Variants in DTWD2 observed in about 807,000 individuals in gnomAD.
DTWD2 encodes the protein tRNA-uridine aminocarboxypropyltransferase 2.
Under a neutral mutation model 31.8 loss-of-function variants are expected in DTWD2, and 39 were observed. The observed-to-expected ratio is 1.22, with a 90% CI of 0.95 to 1.60. DTWD2 has a LOEUF of 1.60. Ranked by LOEUF, DTWD2 falls within the 40% of genes most tolerant of loss-of-function variation. The pLI, the probability that DTWD2 is intolerant of heterozygous loss-of-function variation, is 0.00. For synonymous variants in DTWD2, 180 were observed against 142.8 expected (o/e 1.26, Z -1.86); for missense variants, 515 against 381.5 (o/e 1.35, Z -2.92).
intron 4 of DTWD2, among the ~76,000 whole-genome samples, chr5:118,925,156 C>CAGAGCAGAT (rs1561457659): frequency 6.6e-6 from 1 of 152,152 alleles, no homozygotes; most frequent in Admixed American, 6.5e-5. Context: ...ATGCACCCAA[C>CAGAGCAGAT]AACAGAGCAG....
At chr5:118,970,098 T>C (rs1420484048) in intron 1 of DTWD2, among the ~76,000 whole-genome samples, 1 of 152,124 alleles carries the variant, frequency 6.6e-6, no homozygotes, top group African/African-American at 2.4e-5. Flanking sequence ...TGTAAGACTA[T>C]CTTTCTAAAA....
chr5:118,851,595 G>A (rs985038959), intron 4 of DTWD2, among the ~76,000 whole-genome samples: 1 of 148,884 alleles, frequency 6.7e-6, no homozygotes, highest in Non-Finnish European at 1.5e-5. Context: ...AGCTGTGCAC[G>A]TATTGTCTTG....
At chr5:118,897,213 G>A (rs1001679022) in intron 4 of DTWD2, among the ~76,000 whole-genome samples, 12 of 152,270 alleles carry the variant, frequency 7.9e-5, no homozygotes, top group African/African-American at 2.9e-4. Context: ...CAGCTCAGAG[G>A]AAACCAGGCA....
At chr5:118,865,569 A>G (rs186781515) in intron 4 of DTWD2, among the ~76,000 whole-genome samples, 12 of 152,342 alleles carry the variant, frequency 7.9e-5, no homozygotes, top group African/African-American at 2.9e-4. Context: ...CTTCCTTTGA[A>G]GTTAATGTTT....
In DTWD2 at chr5:118,840,952, T is replaced by A. The variant is rs756145111; in HGVS notation, c.862A>T (p.Lys288Ter). The A allele has an allele frequency of 1.9e-6, 3 of 1,613,672 alleles. No homozygotes were observed. The highest frequency in any genetic ancestry group is 2.5e-6 in the Non-Finnish European group (3 of 1,179,790). Reference sequence around the variant, plus strand: ...ACACTATTCATTAACAATTCCATTTTCCTGAGTTTGCGTTTGTTCTTTGGC... The same window carrying A: ...ACACTATTCATTAACAATTCCATTTACCTGAGTTTGCGTTTGTTCTTTGGC... The part of the protein sequence containing the change: ...PMPKNKRKLR[K>*]MELLMNSVKI The change falls in exon 6 of 6, where the codon AAA (lysine) becomes TAA (stop). Residue 288 changes from lysine (K) to a stop codon, truncating the protein, a stop_gained. Transcript: ENST00000510708. LOFTEE classifies it high-confidence loss of function.
chr5:118,939,779 T>G (rs182986321), intron 2 of DTWD2, among the ~76,000 whole-genome samples: 75 of 152,070 alleles, frequency 4.9e-4, no homozygotes, highest in Non-Finnish European at 9.6e-4. Flanking sequence ...AACAAAACAA[T>G]GGGGTATGTC....
chr5:118,906,026 A>G (rs573512175), intron 4 of DTWD2, among the ~76,000 whole-genome samples: 2 of 152,306 alleles, frequency 1.3e-5, no homozygotes, highest in South Asian at 2.1e-4. Flanking sequence ...AAAACAAAAC[A>G]ATATAAAAAT....
intron 1 of DTWD2, among the ~76,000 whole-genome samples, chr5:118,959,697 T>A (rs1246754114): frequency 6.6e-6 from 1 of 152,138 alleles, no homozygotes; most frequent in Non-Finnish European, 1.5e-5. Flanking sequence ...TTACCAGACT[T>A]CAAACTATAC....
chr5:118,937,474 T>A (rs1009054256), intron 3 of DTWD2, among the ~76,000 whole-genome samples: 2 of 152,166 alleles, frequency 1.3e-5, no homozygotes, highest in African/African-American at 4.8e-5. Flanking sequence ...ACGTAAGTTA[T>A]CTGTAATCCA....
At chr5:118,922,967 T>C (rs1479015660) in intron 4 of DTWD2, among the ~76,000 whole-genome samples, 6 of 152,214 alleles carry the variant, frequency 3.9e-5, no homozygotes, top group Non-Finnish European at 8.8e-5. Flanking sequence ...TCAAAAGTTT[T>C]TATTCTTATT....
intron 4 of DTWD2, among the ~76,000 whole-genome samples, chr5:118,917,362 A>C (rs1287525841): frequency 1.3e-5 from 2 of 152,186 alleles, no homozygotes; most frequent in African/African-American, 4.8e-5. Context: ...AAGAAACAAT[A>C]GGGAAGGGAA....
intron 1 of DTWD2, among the ~76,000 whole-genome samples, chr5:118,946,092 C>T (rs1754333417): frequency 6.6e-6 from 1 of 152,150 alleles, no homozygotes; most frequent in Non-Finnish European, 1.5e-5. Flanking sequence ...AAGAAACTGC[C>T]AAATCTATGC....
At chr5:118,954,133 C>A (rs11958756) in intron 1 of DTWD2, among the ~76,000 whole-genome samples, 8 of 152,070 alleles carry the variant, frequency 5.3e-5, no homozygotes, top group Non-Finnish European at 8.8e-5. Flanking sequence ...TAGCCAGACA[C>A]GGTGGTGCAC....
chr5:118,968,794 A>T (rs1297966778), intron 1 of DTWD2, among the ~76,000 whole-genome samples: 1 of 152,136 alleles, frequency 6.6e-6, no homozygotes, highest in African/African-American at 2.4e-5. Context: ...TTCCCCTAGG[A>T]AGGGGGCTGA....
intron 4 of DTWD2, among the ~76,000 whole-genome samples, chr5:118,861,153 C>A (rs964532664): frequency 1.3e-5 from 2 of 152,152 alleles, no homozygotes; most frequent in African/African-American, 4.8e-5. Flanking sequence ...TAAATGTCTC[C>A]CAATGGTTAC....
intron 5 of DTWD2, among the ~76,000 whole-genome samples, chr5:118,843,087 G>A (rs1751758814): frequency 6.6e-6 from 1 of 151,212 alleles, no homozygotes; most frequent in South Asian, 2.1e-4. Flanking sequence ...CTCCCAAGTA[G>A]CTGGGACTAT....
intron 4 of DTWD2, among the ~76,000 whole-genome samples, chr5:118,895,667 G>T (rs1286058897): frequency 6.6e-6 from 1 of 152,060 alleles, no homozygotes; most frequent in African/African-American, 2.4e-5. Context: ...AGGACACATA[G>T]ACCAGTGGAA....
At chr5:118,859,197 T>C (rs1752203491) in intron 4 of DTWD2, among the ~76,000 whole-genome samples, 1 of 150,984 alleles carries the variant, frequency 6.6e-6, no homozygotes, top group South Asian at 2.1e-4. Context: ...CTAGCTGGAA[T>C]TCTTGAAGGA....
At chr5:118,889,735 C>T (rs914609964) in intron 4 of DTWD2, among the ~76,000 whole-genome samples, 12 of 151,970 alleles carry the variant, frequency 7.9e-5, no homozygotes, top group Non-Finnish European at 4.4e-5. Context: ...TCTCAAAAAA[C>T]GATAGTTTTT....
Sources: allele counts gnomAD v4.1 joint callset (sites outside exome capture counted in the v4.1 genomes callset), GRCh38; gene constraint gnomAD v4.1.1; transcripts MANE v1.5; gene names NCBI Gene and HGNC (gene_info 2026-07-23, HGNC 2026-07-21).